Variants in EML6 observed in about 807,000 individuals in gnomAD.
EML6 encodes EMAP like 6, also known as echinoderm microtubule-associated protein-like 6.
In EML6, 154 loss-of-function variants were observed where a neutral mutation model predicts 240.1. The ratio of observed to expected loss-of-function variants is 0.64; its 90% CI spans 0.56 to 0.73. The LOEUF (loss-of-function observed/expected upper bound fraction) is 0.73, where lower values mean the gene tolerates loss of function less well. Ranked by LOEUF, EML6 falls within the 30% of genes least tolerant of loss-of-function variation. The probability of loss-of-function intolerance (pLI) is 0.00; values close to 1 mark genes in which losing one functional copy is unlikely to be tolerated. For synonymous variants in EML6, 1,148 were observed against 899.0 expected, an observed-to-expected ratio of 1.28 and a Z score of -4.95; for missense variants, 2,964 against 2,474.6, an observed-to-expected ratio of 1.20 and a Z score of -4.20.
chr2:54,853,362 T>C (rs1042187245), intron 10 of EML6, among the ~76,000 whole-genome samples: 1 of 152,182 alleles, frequency 6.6e-6, no homozygotes, highest in Admixed American at 6.5e-5. Context: ...ATTGGGTACA[T>C]GTGAAATTCT....
At chr2:54,870,958 T>C (rs1190634085) in intron 15 of EML6, among the ~76,000 whole-genome samples, 1 of 152,214 alleles carries the variant, frequency 6.6e-6, no homozygotes, top group Non-Finnish European at 1.5e-5. Context: ...ATAATTTTCT[T>C]TGTTGTTGGG....
At chr2:54,815,805 T>G (rs1296278988) in intron 3 of EML6, among the ~76,000 whole-genome samples, 1 of 152,252 alleles carries the variant, frequency 6.6e-6, no homozygotes, top group Non-Finnish European at 1.5e-5. Context: ...TATGTGGCTG[T>G]CTGTTTCATC....
At chr2:54,929,692 ACCTCCTCCTCCTCCTCCTCCT>A (rs67666233) in intron 28 of EML6, among the ~76,000 whole-genome samples, 3 of 143,066 alleles carry the variant, frequency 2.1e-5, no homozygotes, top group African/African-American at 5.0e-5. Context: ...AAGAAATGTA[ACCTCCTCCTCCTCCTCCTCCT>A]CCTCCTCCTC....
At chr2:54,811,054 C>T (rs1056113200) in intron 2 of EML6, among the ~76,000 whole-genome samples, 9 of 152,006 alleles carry the variant, frequency 5.9e-5, no homozygotes, top group African/African-American at 2.2e-4. Context: ...CTAAGCATTT[C>T]CCCCTCTGTT....
At chr2:54,823,858 C>CTCTCTT (rs1285763033) in intron 5 of EML6, among the ~76,000 whole-genome samples, 2 of 146,718 alleles carry the variant, frequency 1.4e-5, no homozygotes, top group African/African-American at 5.3e-5. Flanking sequence ...CATTCTCTCT[C>CTCTCTT]TCTCTCTCTC....
chr2:54,841,196 T>C (rs1443976548), intron 7 of EML6, among the ~76,000 whole-genome samples: 1 of 152,238 alleles, frequency 6.6e-6, no homozygotes. Context: ...TCCTGACTGC[T>C]TTCACCATAC....
intron 12 of EML6, among the ~76,000 whole-genome samples, chr2:54,861,825 A>G (rs73938640): frequency 0.04 from 6,029 of 151,532 alleles, 417 homozygotes; most frequent in African/African-American, 0.14. Context: ...GTCAGTGACA[A>G]TGAAGAAATG....
chr2:54,962,212 A>C (rs1400702029), intron 35 of EML6, among the ~76,000 whole-genome samples: 3 of 151,418 alleles, frequency 2.0e-5, no homozygotes, highest in Non-Finnish European at 4.4e-5. Flanking sequence ...TTCTAATAAT[A>C]GTGGTGTTTT....
rs986625605 is a variant in EML6, at chr2:54,922,697, A to G, written c.3676-5616A>G. 5.3e-5 allele frequency among the ~76,000 whole-genome samples: 8 copies of G among 152,194 alleles called. No homozygotes were observed. The East Asian group carries it at 1.5e-3, about 29-fold the overall frequency. On this transcript the variant is annotated intron_variant, in intron 26 of 41. Coordinates refer to ENST00000356458, the MANE Select transcript of EML6 (RefSeq NM_001039753.4). ...AATTATTGTGTATATATACATATAC[A>G]TGGTGGCGTATTATTCACATAAAAA...
At chr2:54,789,124 A>G (rs974876478) in intron 2 of EML6, among the ~76,000 whole-genome samples, 5 of 152,206 alleles carry the variant, frequency 3.3e-5, no homozygotes, top group Non-Finnish European at 7.3e-5. Context: ...TTATTCCAAT[A>G]AATAGCTTCT....
At chr2:54,851,254 C>T (rs1460101849) in intron 10 of EML6, among the ~76,000 whole-genome samples, 4 of 150,746 alleles carry the variant, frequency 2.7e-5, no homozygotes, top group Admixed American at 6.6e-5. Flanking sequence ...GCTAAAGATA[C>T]AAAAAAAAAT....
At chr2:54,756,876 C>T (rs1667757268) in intron 2 of EML6, among the ~76,000 whole-genome samples, 1 of 151,928 alleles carries the variant, frequency 6.6e-6, no homozygotes, top group Non-Finnish European at 1.5e-5. Context: ...CCTTCCTTTC[C>T]ATTCTCTTTG....
At chr2:54,753,319 C>T (rs564947724) in intron 2 of EML6, among the ~76,000 whole-genome samples, 11 of 152,118 alleles carry the variant, frequency 7.2e-5, no homozygotes, top group Non-Finnish European at 1.3e-4. Flanking sequence ...ATATCGATGT[C>T]CTGATCCCTG....
chr2:54,745,258 G>C (rs113489194), intron 2 of EML6, among the ~76,000 whole-genome samples: 1 of 152,144 alleles, frequency 6.6e-6, no homozygotes, highest in Non-Finnish European at 1.5e-5. Context: ...TTCTTTTAAG[G>C]GTAACTTCCC....
chr2:54,970,200 C>A lies in EML6; in HGVS notation c.*105C>A. ...CCACCAGCCGTTGGGAAATGCCTAC[C>A]ATGCTGCCCCGGATGCACAAGCTCA... On this transcript the variant is annotated 3_prime_UTR_variant, in exon 42 of 42. Coordinates refer to ENST00000356458, the MANE Select transcript of EML6 (RefSeq NM_001039753.4). 9.1e-7 allele frequency: 1 copy of A among 1,100,160 alleles called. No individual in the cohort carries two copies. The highest frequency in any genetic ancestry group is 1.4e-6 in the Non-Finnish European group (1 of 738,212). 68.1% of individuals were successfully genotyped at this position (1,100,160 alleles called of 1,614,324 possible).
intron 26 of EML6, 137 bp downstream of exon 26, chr2:54,917,072 C>T (rs945983079): frequency 1.1e-5 from 7 of 634,468 alleles, no homozygotes; most frequent in African/African-American, 1.1e-4. Flanking sequence ...GTATAAAAAC[C>T]TCCCTGACAT....
Position 54,792,878 on chromosome 2 carries a change from C to A in EML6, c.198-20354C>A, listed in dbSNP as rs573823371. Among the ~76,000 whole-genome samples the A allele has an allele frequency of 1.4e-3, 217 of 152,236 alleles. 1 individual carries two copies. Among genetic ancestry groups the A allele is most frequent in the Middle Eastern group, 3.4e-3 (1 of 294 alleles). On this transcript the variant is annotated intron_variant, in intron 2 of 41. Transcript: ENST00000356458. Reference sequence around the variant, plus strand: ...TACGGATTATTGGAAGTAGTAGTTACTTCTGTCAGACAACAGAGGAGTTAT... The same window carrying A: ...TACGGATTATTGGAAGTAGTAGTTAATTCTGTCAGACAACAGAGGAGTTAT...
rs1315642639 is a variant in EML6 at position 54,950,787 on chromosome 2, G to A, written c.4213+8G>A. 1.3e-6 allele frequency: 2 copies of A among 1,545,952 alleles called. No homozygotes were observed. The highest frequency in any genetic ancestry group is 2.4e-5 in the South Asian group (2 of 82,894). On this transcript the variant is annotated splice_region_variant and intron_variant, in intron 30 of 41. Coordinates refer to ENST00000356458, the MANE Select transcript of EML6 (RefSeq NM_001039753.4). ...TTCAGAACCTCTCCACAGGTAACCG[G>A]GGGTTAAAAAATACAGGTTTTTCTT...
At position 54,892,492 on chromosome 2, in the gene EML6, G is replaced by A. The variant is rs765809388; in HGVS notation, c.2578G>A (p.Val860Ile). ...FTSKRGTFGS[V>I]GKLETMMCVS... ...TTCTAAAAGAGGAACTTTTGGAAGC[G>A]TTGGAAAATTGGAAACAATGATGTG... is the stretch of plus-strand genomic sequence containing the variant. The change falls in exon 19 of 42, where the codon GTT becomes ATT. Residue 860 changes from valine to isoleucine, a missense_variant. By Grantham distance (29) the Val-to-Ile change is conservative (BLOSUM62 3). Coordinates refer to ENST00000356458, the MANE Select transcript of EML6 (RefSeq NM_001039753.4). The A allele has an allele frequency of 3.3e-5, 51 of 1,551,288 alleles. No individual in the cohort carries two copies. The South Asian group carries it at 3.7e-4, about 11-fold the overall frequency.
Sources: gnomAD v4.1 joint callset for allele counts (sites outside exome capture counted in the v4.1 genomes callset) on GRCh38, gnomAD v4.1.1 for gene constraint, MANE v1.5 for transcripts, NCBI Gene and HGNC (gene_info 2026-07-23, HGNC 2026-07-21) for gene names.